RNF145: variants seen among roughly 807,000 people sequenced by gnomAD.
RNF145 encodes the protein ring finger protein 145.
In RNF145, 12 loss-of-function variants were observed where a neutral mutation model predicts 57.3. The observed-to-expected ratio is 0.21, with a 90% CI of 0.13 to 0.34. The LOEUF (loss-of-function observed/expected upper bound fraction) is 0.34, where lower values mean the gene tolerates loss of function less well. Ranked by LOEUF, RNF145 falls within the 10% of genes least tolerant of loss-of-function variation. The probability of loss-of-function intolerance (pLI) is 1.00; values close to 1 mark genes in which losing one functional copy is unlikely to be tolerated. For missense variants in RNF145, 429 were observed against 799.0 expected, an observed-to-expected ratio of 0.54 and a Z score of 5.58; for synonymous variants, 262 against 288.3, an observed-to-expected ratio of 0.91 and a Z score of 0.92.
At chr5:159,180,483 T>A (rs769611938) in intron 4 of RNF145, among the ~76,000 whole-genome samples, 68 of 152,082 alleles carry the variant, frequency 4.5e-4, no homozygotes, top group Non-Finnish European at 8.7e-4. Context: ...TACAATTTCC[T>A]GTATCAGAAG....
chr5:159,200,985 G>A (rs1785640773), intron 2 of RNF145, among the ~76,000 whole-genome samples: 2 of 152,196 alleles, frequency 1.3e-5, no homozygotes, highest in South Asian at 4.1e-4. Flanking sequence ...ATATAGGATT[G>A]TAGGAACTCT....
At chr5:159,172,552 T>C (rs1256324096) in intron 6 of RNF145, among the ~76,000 whole-genome samples, 2 of 152,148 alleles carry the variant, frequency 1.3e-5, no homozygotes, top group South Asian at 2.1e-4. Flanking sequence ...ATTTACTTAA[T>C]ACTAGATTAA....
chr5:159,206,581 G>A (rs78251404), intron 1 of RNF145, among the ~76,000 whole-genome samples: 9,331 of 152,138 alleles, frequency 0.061, 373 homozygotes, highest in Non-Finnish European at 0.09. Flanking sequence ...AAGTAAAATG[G>A]AGCCTTCTCT....
At chr5:159,186,351 T>C (rs1197032378) in intron 3 of RNF145, among the ~76,000 whole-genome samples, 1 of 152,200 alleles carries the variant, frequency 6.6e-6, no homozygotes, top group Non-Finnish European at 1.5e-5. Flanking sequence ...CCTAGTAGCT[T>C]ACCACTTCAG....
chr5:159,206,140 G>A (rs915057303), intron 1 of RNF145, among the ~76,000 whole-genome samples: 3 of 152,060 alleles, frequency 2.0e-5, no homozygotes, highest in African/African-American at 4.8e-5. Context: ...ACCGGGTCCC[G>A]AAAGCTGTCA....
chr5:159,194,520 G>T (rs1411661779), intron 3 of RNF145, among the ~76,000 whole-genome samples, 196 bp downstream of exon 3: 2 of 152,278 alleles, frequency 1.3e-5, no homozygotes, highest in Admixed American at 1.3e-4. Flanking sequence ...TGTTAAGCTT[G>T]TTTTTAAAAG....
At chr5:159,183,177 AGAT>A (rs1221590926) in intron 3 of RNF145, among the ~76,000 whole-genome samples, 2 of 152,214 alleles carry the variant, frequency 1.3e-5, no homozygotes, top group Non-Finnish European at 2.9e-5. Flanking sequence ...TATCACTCTT[AGAT>A]GATGGTTTCT....
intron 3 of RNF145, among the ~76,000 whole-genome samples, chr5:159,190,820 ATATGT>A (rs1785264821): frequency 6.6e-6 from 1 of 152,090 alleles, no homozygotes; most frequent in Non-Finnish European, 1.5e-5. Flanking sequence ...ATTAACTGTG[ATATGT>A]TATGAATAAT....
chr5:159,179,514 G>C (rs1390671749), intron 4 of RNF145, among the ~76,000 whole-genome samples: 1 of 152,072 alleles, frequency 6.6e-6, no homozygotes, highest in Non-Finnish European at 1.5e-5. Context: ...TAAAATCTAA[G>C]TTGGAAGAAA....
chr5:159,191,191 A>T (rs1785278409), intron 3 of RNF145, among the ~76,000 whole-genome samples: 1 of 152,222 alleles, frequency 6.6e-6, no homozygotes, highest in Admixed American at 6.5e-5. Context: ...GAGTTGGACA[A>T]GCTTAGTCTA....
At chr5:159,180,709 G>A (rs1784862217) in intron 4 of RNF145, among the ~76,000 whole-genome samples, 1 of 151,882 alleles carries the variant, frequency 6.6e-6, no homozygotes, top group South Asian at 2.1e-4. Flanking sequence ...TCATCATATA[G>A]ACATTCAATC....
At chr5:159,180,483 T>C (rs769611938) in intron 4 of RNF145, among the ~76,000 whole-genome samples, 1 of 152,082 alleles carries the variant, frequency 6.6e-6, no homozygotes, top group Non-Finnish European at 1.5e-5. Flanking sequence ...TACAATTTCC[T>C]GTATCAGAAG....
chr5:159,202,618 T>C (rs940547148), intron 2 of RNF145, among the ~76,000 whole-genome samples: 4 of 152,192 alleles, frequency 2.6e-5, no homozygotes, highest in Admixed American at 2.0e-4. Context: ...TTCATGACTT[T>C]ATAAAAGATA....
At chr5:159,172,084 CG>C (rs1223854291) in intron 6 of RNF145, among the ~76,000 whole-genome samples, 3 of 152,184 alleles carry the variant, frequency 2.0e-5, no homozygotes, top group Non-Finnish European at 4.4e-5. Flanking sequence ...TGCTTTGCAG[CG>C]GGTAACAATC....
intron 1 of RNF145, among the ~76,000 whole-genome samples, chr5:159,204,032 G>A (rs1785770801): frequency 6.6e-6 from 1 of 152,174 alleles, no homozygotes; most frequent in Non-Finnish European, 1.5e-5. Context: ...TCATAAGAGG[G>A]TGAATTTTGA....
chr5:159,186,029 G>C (rs910971906), intron 3 of RNF145, among the ~76,000 whole-genome samples: 9 of 152,160 alleles, frequency 5.9e-5, no homozygotes, highest in Non-Finnish European at 1.3e-4. Flanking sequence ...TTCGAGAGCA[G>C]CCTGGACAAC....
chr5:159,174,222 G>T (rs1784644616), intron 5 of RNF145, 64 bp from the exon 6 acceptor site: 3 of 1,090,866 alleles, frequency 2.8e-6, no homozygotes, highest in Non-Finnish European at 3.9e-6. Context: ...TTAAACACTT[G>T]AGTCAAATCA....
intron 3 of RNF145, among the ~76,000 whole-genome samples, chr5:159,190,084 C>T (rs910526379): frequency 2.2e-4 from 33 of 152,142 alleles, no homozygotes; most frequent in Non-Finnish European, 4.9e-4. Flanking sequence ...TGTTCTGTCA[C>T]CAGGCTGGAG....
At chr5:159,209,635 C>T (rs1057040915), upstream of RNF145, 1 of 1,063,126 alleles carries the variant, frequency 9.4e-7, no homozygotes, top group Non-Finnish European at 1.2e-6. Flanking sequence ...CGCGCCCGCG[C>T]TCACTCACAA....
Sources: gnomAD v4.1 joint callset for allele counts (sites outside exome capture counted in the v4.1 genomes callset) on GRCh38, gnomAD v4.1.1 for gene constraint, MANE v1.5 for transcripts, NCBI Gene and HGNC (gene_info 2026-07-23, HGNC 2026-07-21) for gene names.